DHTKD1: variants seen among roughly 807,000 people sequenced by gnomAD.
DHTKD1 encodes the protein 2-oxoadipate dehydrogenase complex component E1.
In DHTKD1, 78 loss-of-function variants were observed where a neutral mutation model predicts 101.8. The observed-to-expected ratio is 0.77, with a 90% CI of 0.64 to 0.93. The LOEUF is 0.93. Among genes scored for constraint, DHTKD1 ranks in the 40% least tolerant of loss-of-function variants. The probability of loss-of-function intolerance (pLI) is 0.00; values close to 1 mark genes in which losing one functional copy is unlikely to be tolerated. For missense variants in DHTKD1, 1,223 were observed against 1,161.7 expected (o/e 1.05, Z -0.77); for synonymous variants, 462 against 450.3 (o/e 1.03, Z -0.33).
At chr10:12,118,475 C>T (rs559378659) in intron 14 of DHTKD1, among the ~76,000 whole-genome samples, 5 of 151,858 alleles carry the variant, frequency 3.3e-5, no homozygotes, top group African/African-American at 7.3e-5. Context: ...CTCCGCCTCC[C>T]GGGTTCACGC....
chr10:12,113,118 A>G (rs1215763552), intron 13 of DHTKD1, 54 bp downstream of exon 13: 3 of 1,417,274 alleles, frequency 2.1e-6, no homozygotes, highest in African/African-American at 2.9e-5. Context: ...TTTGCACTCC[A>G]TTTTTCCCTA....
Position 12,103,800 on chromosome 10 carries a change from G to A in DHTKD1, c.1897-2446G>A, listed in dbSNP as rs1833206940. Among the ~76,000 whole-genome samples, 1 of 152,156 alleles carries A rather than the reference G, an allele frequency of 6.6e-6. No individual in the cohort carries two copies. Among genetic ancestry groups the A allele is most frequent in the African/African-American group, 2.4e-5 (1 of 41,438 alleles). On this transcript the variant is annotated intron_variant, in intron 10 of 16. Coordinates refer to ENST00000263035, the MANE Select transcript of DHTKD1 (RefSeq NM_018706.7). The surrounding 1 kb of genome is among the most constrained non-coding windows in gnomAD (Gnocchi z 4.8). ...CAAAGTGCTGGGATTATAGATGTGA[G>A]CTGCCGTGCCCAGCCTAGAGGGTTT...
At chr10:12,102,753 G>A (rs1337029828) in intron 10 of DHTKD1, among the ~76,000 whole-genome samples, 1 of 152,046 alleles carries the variant, frequency 6.6e-6, no homozygotes, top group Non-Finnish European at 1.5e-5. Context: ...ATTTGAGACG[G>A]AGCCTCACTC....
chr10:12,118,444 A>G (rs1230244163), intron 14 of DHTKD1, among the ~76,000 whole-genome samples: 16 of 145,936 alleles, frequency 1.1e-4, no homozygotes, highest in Admixed American at 6.3e-4. Context: ...GTGCAGTGGC[A>G]CGATCTTGGC....
In DHTKD1 at chr10:12,101,097, G is replaced by C. The variant is rs1485482389; in HGVS notation, c.1812G>C (p.Arg604Ser). 1 of 1,613,942 alleles carries C rather than the reference G, an allele frequency of 6.2e-7. No individual in the cohort carries two copies. The highest frequency in any genetic ancestry group is 1.7e-5 in the Admixed American group (1 of 59,968). The change falls in exon 10 of 17, where the codon AGG becomes AGC. Residue 604 changes from arginine (R) to serine (S), a missense_variant. Physicochemically the swap from Arg to Ser is moderately radical, Grantham distance 110 (BLOSUM62 -1). Coordinates refer to ENST00000263035, the MANE Select transcript of DHTKD1 (RefSeq NM_018706.7). ...TTGGTCGTGGAACTTTCAGTCAGAG[G>C]CATGCAATCGTGGTTTGCCAGGAGA... ...QDVGRGTFSQRHAIVVCQETD... is the reference protein window; with the variant it reads ...QDVGRGTFSQSHAIVVCQETD...
In DHTKD1 at chr10:12,107,888, C is replaced by T. The variant is rs1415906785; in HGVS notation, c.2048-21C>T. 1 of 1,524,426 alleles carries T rather than the reference C, an allele frequency of 6.6e-7. No homozygotes were observed. Among genetic ancestry groups the T allele is most frequent in the Non-Finnish European group, 9.1e-7 (1 of 1,098,894 alleles). 94.4% of individuals were successfully genotyped at this position (1,524,426 alleles called of 1,614,324 possible). On this transcript the variant is annotated intron_variant, in intron 11 of 16. Coordinates refer to ENST00000263035, the MANE Select transcript of DHTKD1 (RefSeq NM_018706.7). This position sits in a 1 kb window ranked among gnomAD's most constrained non-coding sequence, Gnocchi z 4.1. ...GTCCCCGCTTCGTAGAGCTCTTACT[C>T]CCCACGTGGTACTTTTCCAGGAGAG...
chr10:12,106,060 G>A (rs1334552548), intron 10 of DHTKD1, among the ~76,000 whole-genome samples, 186 bp from the exon 11 acceptor site: 1 of 152,092 alleles, frequency 6.6e-6, no homozygotes, highest in Non-Finnish European at 1.5e-5. Context: ...GAGCCATTGC[G>A]CTCCAGCCTG....
chr10:12,108,296 T>C (rs1296250599), intron 12 of DHTKD1, among the ~76,000 whole-genome samples: 3 of 152,164 alleles, frequency 2.0e-5, no homozygotes, highest in Non-Finnish European at 4.4e-5. Flanking sequence ...TTATTTTTTT[T>C]TGAGATGGGG....
intron 8 of DHTKD1, 53 bp downstream of exon 8, chr10:12,098,049 G>T: frequency 4.0e-6 from 6 of 1,505,586 alleles, no homozygotes; most frequent in Non-Finnish European, 5.4e-6. Flanking sequence ...CTCAGCAAAG[G>T]AGCTGACGTT....
chr10:12,076,975 T>TA (rs61096299), intron 1 of DHTKD1, among the ~76,000 whole-genome samples: 13,176 of 61,806 alleles, frequency 0.21, 1,116 homozygotes, highest in South Asian at 0.25. Flanking sequence ...CTGTTTCTGA[T>TA]AAAAAAAAAA....
intron 1 of DHTKD1, among the ~76,000 whole-genome samples, chr10:12,070,384 C>T (rs1287362556): frequency 6.6e-6 from 1 of 152,202 alleles, no homozygotes; most frequent in East Asian, 1.9e-4. Flanking sequence ...CCTTCGGCAT[C>T]TGGGCACCTG....
At chr10:12,093,067 G>T (rs568871277) in intron 6 of DHTKD1, among the ~76,000 whole-genome samples, 6 of 149,208 alleles carry the variant, frequency 4.0e-5, no homozygotes, top group African/African-American at 1.5e-4. Context: ...TTTTGAGATG[G>T]AGTTTCGCTC....
chr10:12,109,230 A>G (rs1327888103), intron 12 of DHTKD1, among the ~76,000 whole-genome samples: 2 of 152,086 alleles, frequency 1.3e-5, no homozygotes, highest in Non-Finnish European at 2.9e-5. Context: ...ATCGTTAATG[A>G]TTTTGGCATG....
At chr10:12,079,605 T>G (rs1832784213) in intron 1 of DHTKD1, among the ~76,000 whole-genome samples, 2 of 151,992 alleles carry the variant, frequency 1.3e-5, no homozygotes, top group Admixed American at 1.3e-4. Flanking sequence ...GAGGCAGAGA[T>G]TGCAGTGAGC....
chr10:12,096,734 T>C (rs182716559), intron 7 of DHTKD1, among the ~76,000 whole-genome samples: 1 of 152,366 alleles, frequency 6.6e-6, no homozygotes, highest in South Asian at 2.1e-4. Context: ...ATAGACTTTA[T>C]AGTTGAAAGT....
At position 12,118,605 on chromosome 10, in the gene DHTKD1, A is replaced by C. The variant is rs1304473102; in HGVS notation, c.2403-144A>C. The C allele has an allele frequency of 8.6e-6, 4 of 464,454 alleles. No homozygotes were observed. In the Admixed American group the frequency reaches 9.9e-5, roughly 12 times the overall value. 28.8% of individuals were successfully genotyped at this position (464,454 alleles called of 1,614,324 possible). ...CACCGTGTTAGCCAGGATGGTCTTGATTTCCTGACCTCGTGATCCGCCCGC... is the reference window on the plus strand; with the variant it reads ...CACCGTGTTAGCCAGGATGGTCTTGCTTTCCTGACCTCGTGATCCGCCCGC... On this transcript the variant is annotated intron_variant, in intron 14 of 16. Transcript: ENST00000263035.
intron 7 of DHTKD1, among the ~76,000 whole-genome samples, chr10:12,095,553 C>T (rs990437397): frequency 3.3e-5 from 5 of 151,990 alleles, no homozygotes; most frequent in Non-Finnish European, 5.9e-5. Context: ...GTGGCTCACG[C>T]CTGTAATCCC....
intron 15 of DHTKD1, 90 bp downstream of exon 15, chr10:12,119,008 T>C (rs1385285301): frequency 3.8e-6 from 5 of 1,316,158 alleles, no homozygotes; most frequent in Non-Finnish European, 5.0e-6. Context: ...TGGGGGTTAT[T>C]AGAAAATTGA....
At chr10:12,086,883 G>T (rs1280592486) in intron 3 of DHTKD1, among the ~76,000 whole-genome samples, 1 of 152,006 alleles carries the variant, frequency 6.6e-6, no homozygotes, top group East Asian at 1.9e-4. Flanking sequence ...TAGAGACGGG[G>T]TTTCACCATG....
Sources: allele counts gnomAD v4.1 joint callset (sites outside exome capture counted in the v4.1 genomes callset), GRCh38; gene constraint gnomAD v4.1.1; non-coding constraint Gnocchi (gnomAD v3.1); transcripts MANE v1.5; gene names NCBI Gene and HGNC (gene_info 2026-07-23, HGNC 2026-07-21).